The following SLC44A5 variants were observed in gnomAD, a reference collection of about 807,000 sequenced individuals.
SLC44A5 encodes the protein choline transporter-like protein 5.
A neutral mutation model predicts 101.8 loss-of-function variants in SLC44A5; 57 were observed. The ratio of observed to expected loss-of-function variants is 0.56; its 90% CI spans 0.45 to 0.70. The LOEUF is 0.70. Among genes scored for constraint, SLC44A5 ranks in the 30% least tolerant of loss-of-function variants. The pLI is 0.00. For synonymous variants in SLC44A5, 281 were observed against 290.9 expected, an observed-to-expected ratio of 0.97 and a Z score of 0.35; for missense variants, 737 against 853.1, an observed-to-expected ratio of 0.86 and a Z score of 1.70.
chr1:75,265,233 T>G (rs1459548095), intron 6 of SLC44A5, among the ~76,000 whole-genome samples: 1 of 152,180 alleles, frequency 6.6e-6, no homozygotes, highest in Non-Finnish European at 1.5e-5. Flanking sequence ...GGAGAGGAGA[T>G]AATTCTTTAT....
At chr1:75,595,452 T>TA (rs34156310) in intron 1 of SLC44A5, among the ~76,000 whole-genome samples, 101,799 of 151,214 alleles carry the variant, frequency 0.67, 34,600 homozygotes, top group East Asian at 0.84. Context: ...TCACTACAAT[T>TA]AAAAAAAAAC....
intron 2 of SLC44A5, among the ~76,000 whole-genome samples, chr1:75,417,849 A>G (rs1474014680): frequency 6.6e-6 from 1 of 152,260 alleles, no homozygotes; most frequent in Admixed American, 6.5e-5. Context: ...GAACCAACAA[A>G]GGAGACTAAG....
At chr1:75,576,334 A>G (rs1673362113) in intron 1 of SLC44A5, among the ~76,000 whole-genome samples, 1 of 151,308 alleles carries the variant, frequency 6.6e-6, no homozygotes, top group Non-Finnish European at 1.5e-5. Flanking sequence ...TTGCTTTTTG[A>G]GAGGAAGTCT....
At chr1:75,591,224 C>T (rs371109912) in intron 1 of SLC44A5, among the ~76,000 whole-genome samples, 3 of 152,154 alleles carry the variant, frequency 2.0e-5, no homozygotes, top group South Asian at 2.1e-4. Context: ...CCTTCGGGTG[C>T]CCCCTAAGGT....
At chr1:75,421,139 T>C (rs991510203) in intron 2 of SLC44A5, among the ~76,000 whole-genome samples, 3 of 152,092 alleles carry the variant, frequency 2.0e-5, no homozygotes, top group African/African-American at 7.2e-5. Context: ...ACAACAATTA[T>C]TTACCATAAA....
At chr1:75,641,522 A>T in the SLC44A5 span, 1 of 1,481,096 alleles carries the variant, frequency 6.8e-7, no homozygotes, top group South Asian at 1.1e-5. Context: ...TTCTGCACTG[A>T]CTGGCTTTTC....
At chr1:75,228,685 T>C (rs752118152) in intron 12 of SLC44A5, among the ~76,000 whole-genome samples, 25 of 151,850 alleles carry the variant, frequency 1.6e-4, no homozygotes, top group Non-Finnish European at 2.8e-4. Context: ...TTACTTATAT[T>C]CCATTTTTCT....
At chr1:75,391,250 A>C (rs1661766830) in intron 3 of SLC44A5, among the ~76,000 whole-genome samples, 1 of 152,214 alleles carries the variant, frequency 6.6e-6, no homozygotes, top group Admixed American at 6.5e-5. Flanking sequence ...GATTGGAAGA[A>C]TCAATATTGT....
At chr1:75,384,902 C>A (rs1414631635) in intron 3 of SLC44A5, among the ~76,000 whole-genome samples, 1 of 151,222 alleles carries the variant, frequency 6.6e-6, no homozygotes, top group African/African-American at 2.4e-5. Flanking sequence ...GATTAAGAAT[C>A]TCACTCAAAA....
chr1:75,360,351 C>A (rs992542472), intron 3 of SLC44A5, among the ~76,000 whole-genome samples: 2 of 151,970 alleles, frequency 1.3e-5, no homozygotes, highest in African/African-American at 4.8e-5. Flanking sequence ...TATTTTATTT[C>A]ATAGACGGGG....
chr1:75,275,090 A>G (rs146018892), intron 5 of SLC44A5, 48 bp from the exon 6 acceptor site: 1 of 1,485,662 alleles, frequency 6.7e-7, no homozygotes, highest in African/African-American at 1.4e-5. Flanking sequence ...AAGCCAGCTA[A>G]AGGCAGTTTG....
intron 5 of SLC44A5, among the ~76,000 whole-genome samples, chr1:75,277,701 G>T (rs2100757830): frequency 6.6e-6 from 1 of 151,462 alleles, no homozygotes; most frequent in East Asian, 1.9e-4. Flanking sequence ...GAGCATATCT[G>T]ATTGGGGGGG....
intron 2 of SLC44A5, among the ~76,000 whole-genome samples, chr1:75,406,215 A>G (rs1005483596): frequency 3.3e-5 from 5 of 152,164 alleles, no homozygotes; most frequent in African/African-American, 1.2e-4. Flanking sequence ...TTGAGGCAAT[A>G]ATTAATAGCC....
At chr1:75,276,084 T>G (rs576404018) in intron 5 of SLC44A5, among the ~76,000 whole-genome samples, 2 of 152,292 alleles carry the variant, frequency 1.3e-5, no homozygotes, top group Admixed American at 1.3e-4. Context: ...CTCAATATTT[T>G]TTCTCAATCT....
At chr1:75,278,088 A>C (rs1652081098) in intron 5 of SLC44A5, among the ~76,000 whole-genome samples, 1 of 152,176 alleles carries the variant, frequency 6.6e-6, no homozygotes, top group African/African-American at 2.4e-5. Flanking sequence ...TCTATTCAGC[A>C]CTTGAAATGG....
chr1:75,681,043 T>C, the SLC44A5 span, among the ~76,000 whole-genome samples: 5 of 150,080 alleles, frequency 3.3e-5, no homozygotes, highest in Non-Finnish European at 3.0e-5. Context: ...ACACATACAC[T>C]CTCCCAAGAC....
At chr1:75,304,397 T>C (rs1209073748) in intron 4 of SLC44A5, among the ~76,000 whole-genome samples, 1 of 152,160 alleles carries the variant, frequency 6.6e-6, no homozygotes, top group Non-Finnish European at 1.5e-5. Context: ...TCCTCAGATA[T>C]ATTCTCTCTA....
At chr1:75,624,286 C>T in the SLC44A5 span, among the ~76,000 whole-genome samples, 1 of 151,996 alleles carries the variant, frequency 6.6e-6, no homozygotes, top group African/African-American at 2.4e-5. Context: ...AGAATATGAG[C>T]TAATAAATGT....
chr1:75,326,265 T>C (rs966485013), intron 4 of SLC44A5, among the ~76,000 whole-genome samples: 2 of 150,186 alleles, frequency 1.3e-5, no homozygotes, highest in Admixed American at 6.7e-5. Context: ...CTTACTGCTT[T>C]TTTTTTTTTT....
Sources: gnomAD v4.1 joint callset for allele counts (sites outside exome capture counted in the v4.1 genomes callset) on GRCh38, gnomAD v4.1.1 for gene constraint, MANE v1.5 for transcripts, NCBI Gene and HGNC (gene_info 2026-07-23, HGNC 2026-07-21) for gene names.